Variants in NALF1 observed in about 807,000 individuals in gnomAD.
NALF1 encodes the protein family with sequence similarity 155 member A.
Under a neutral mutation model 48.4 loss-of-function variants are expected in NALF1, and 3 were observed. That is an observed-to-expected ratio of 0.06 (90% confidence interval 0.03 to 0.16). The LOEUF (loss-of-function observed/expected upper bound fraction) is 0.16. Ranked by LOEUF, NALF1 falls within the 10% of genes least tolerant of loss-of-function variation. The pLI, the probability that NALF1 is intolerant of heterozygous loss-of-function variation, is 1.00. For synonymous variants in NALF1, 262 were observed against 245.7 expected (o/e 1.07, Z -0.62); for missense variants, 526 against 571.5 (o/e 0.92, Z 0.81).
chr13:107,757,290 G>C (rs767917878), intron 1 of NALF1, among the ~76,000 whole-genome samples: 78 of 152,118 alleles, frequency 5.1e-4, no homozygotes, highest in Non-Finnish European at 8.4e-4. Context: ...TACTGGGGTG[G>C]GACGGAGAGG....
rs987390575 is a variant in NALF1, at chr13:107,170,215, C to T, written c.*282G>A. 2.5e-5 allele frequency: 8 copies of T among 316,616 alleles called. No individual in the cohort carries two copies. The highest frequency in any genetic ancestry group is 1.3e-4 in the Admixed American group (3 of 22,412). The allele number at this position is 316,616 out of a possible 1,614,324, so 19.6% of individuals were successfully genotyped here. A position where few individuals can be genotyped will look rare whatever the true frequency, so the allele number is the denominator to read the frequency against. On this transcript the variant is annotated 3_prime_UTR_variant, in exon 3 of 3. Transcript: ENST00000375915. ...TTAACAAGTGCAAAAAATAAACAAA[C>T]AAATAAACCCAAACCAAAACGAAAG... is the stretch of plus-strand genomic sequence containing the variant.
chr13:107,451,911 G>A (rs1884747661), intron 1 of NALF1, among the ~76,000 whole-genome samples: 1 of 152,128 alleles, frequency 6.6e-6, no homozygotes, highest in African/African-American at 2.4e-5. Context: ...CCCAGAAAGA[G>A]GGTATGTGTT....
At chr13:107,531,333 G>T in intron 1 of NALF1, 1 of 159,528 alleles carries the variant, frequency 6.3e-6, no homozygotes. Context: ...TGAGTGTATG[G>T]CACCTTACCC....
intron 1 of NALF1, among the ~76,000 whole-genome samples, chr13:107,308,766 A>G (rs1359922016): frequency 1.3e-5 from 2 of 152,244 alleles, no homozygotes; most frequent in Non-Finnish European, 2.9e-5. Flanking sequence ...AATCCTGAAT[A>G]TGAAAACTAT....
In NALF1 at chr13:107,171,748, T is replaced by C. The variant is rs140221986; in HGVS notation, c.1088-962A>G. On this transcript the variant is annotated intron_variant, in intron 2 of 2. Coordinates refer to ENST00000375915, the MANE Select transcript of NALF1 (RefSeq NM_001080396.3). ...TTTATGCAAGCTATATAAGTCATAG[T>C]GTATTTTTTTTCTACTTGACTGAAC... Among the ~76,000 whole-genome samples, 6 of 152,336 alleles carry C rather than the reference T, an allele frequency of 3.9e-5. No homozygotes were observed. In the East Asian group the frequency reaches 1.2e-3, roughly 29 times the overall value.
rs1555314846 is a variant in NALF1, at chr13:107,644,642, C to CACATATATATATAT, written c.915+221039_915+221040insATATATATATATGT. Among the ~76,000 whole-genome samples the CACATATATATATAT allele has an allele frequency of 7.8e-4, 72 of 92,252 alleles. 1 individual carries two copies. The highest frequency in any genetic ancestry group is 2.5e-3 in the African/African-American group (69 of 27,124). 60.5% of individuals were successfully genotyped at this position (92,252 alleles called of 152,430 possible). A position where few individuals can be genotyped will look rare whatever the true frequency, so the allele number is the denominator to read the frequency against. ...GTGTGTGTGTATACATACATACATACATACATATATATATATATATATATG... is the reference window on the plus strand; with the variant it reads ...GTGTGTGTGTATACATACATACATACACATATATATATATATACATATATATATATATATATATG... On this transcript the variant is annotated intron_variant, in intron 1 of 2. Transcript: ENST00000375915.
At chr13:107,271,775 T>TAC (rs1881171701) in intron 1 of NALF1, among the ~76,000 whole-genome samples, 2 of 8,806 alleles carry the variant, frequency 2.3e-4, no homozygotes, top group Non-Finnish European at 8.1e-4. Flanking sequence ...GCTACTGGAC[T>TAC]ATATATATAT....
chr13:107,443,146 A>G (rs1278197985), intron 1 of NALF1, among the ~76,000 whole-genome samples: 3 of 151,616 alleles, frequency 2.0e-5, no homozygotes, highest in African/African-American at 7.3e-5. Context: ...TTACAACATA[A>G]ATTTATTATT....
intron 1 of NALF1, among the ~76,000 whole-genome samples, chr13:107,283,617 ATTATTTATTTATTTATTTATTTATTTAT>A (rs71121515): frequency 6.9e-6 from 1 of 145,466 alleles, no homozygotes; most frequent in Non-Finnish European, 1.5e-5. Flanking sequence ...GCGGATCTTC[ATTATTTATTTATTTATTTATTTATTTAT>A]TTATTTATTT....
chr13:107,627,331 C>A (rs535758585), intron 1 of NALF1, among the ~76,000 whole-genome samples: 2 of 152,190 alleles, frequency 1.3e-5, no homozygotes, highest in Admixed American at 6.6e-5. Context: ...ACTAATTTAT[C>A]AAACCCTGTG....
intron 1 of NALF1, among the ~76,000 whole-genome samples, chr13:107,601,423 A>T (rs755875062): frequency 1.6e-4 from 24 of 152,198 alleles, no homozygotes; most frequent in Non-Finnish European, 3.5e-4. Flanking sequence ...TATGTATCCA[A>T]CTTTCCTATC....
At chr13:107,653,010 A>G (rs897841568) in intron 1 of NALF1, among the ~76,000 whole-genome samples, 1 of 152,168 alleles carries the variant, frequency 6.6e-6, no homozygotes, top group Non-Finnish European at 1.5e-5. Flanking sequence ...TGTTTCAACA[A>G]AGATACACGG....
chr13:107,211,806 C>A (rs751382060), intron 1 of NALF1, among the ~76,000 whole-genome samples: 3 of 152,130 alleles, frequency 2.0e-5, no homozygotes, highest in Non-Finnish European at 2.9e-5. Context: ...CTAATAATAA[C>A]AAGAATAATA....
intron 1 of NALF1, among the ~76,000 whole-genome samples, chr13:107,722,708 G>C (rs769074562): frequency 1.3e-5 from 2 of 152,172 alleles, no homozygotes; most frequent in Non-Finnish European, 2.9e-5. Context: ...TGGGGGGTCA[G>C]GGCACCTCTC....
chr13:107,177,765 AG>A (rs1878967641), intron 2 of NALF1, among the ~76,000 whole-genome samples: 1 of 152,184 alleles, frequency 6.6e-6, no homozygotes, highest in East Asian at 1.9e-4. Context: ...TAAAGACTTA[AG>A]GGGCCAGGTG....
intron 2 of NALF1, among the ~76,000 whole-genome samples, chr13:107,182,339 T>G (rs1879083690): frequency 6.6e-6 from 1 of 151,948 alleles, no homozygotes; most frequent in South Asian, 2.1e-4. Flanking sequence ...GGCATGATCT[T>G]GGCTCACACT....
chr13:107,748,154 C>G (rs1876836246), intron 1 of NALF1, among the ~76,000 whole-genome samples: 1 of 152,128 alleles, frequency 6.6e-6, no homozygotes, highest in South Asian at 2.1e-4. Flanking sequence ...CTAAATCACT[C>G]CAACAGTTGT....
intron 1 of NALF1, among the ~76,000 whole-genome samples, chr13:107,739,459 G>T (rs942636030): frequency 6.7e-6 from 1 of 148,566 alleles, no homozygotes; most frequent in African/African-American, 2.5e-5. Flanking sequence ...ATATACATGT[G>T]TATATAAAAT....
At chr13:107,537,325 C>T (rs1876855854) in intron 1 of NALF1, among the ~76,000 whole-genome samples, 1 of 152,034 alleles carries the variant, frequency 6.6e-6, no homozygotes, top group Admixed American at 6.6e-5. Flanking sequence ...TTATACATGC[C>T]ACTAGTTTTA....
Sources: allele counts gnomAD v4.1 joint callset (sites outside exome capture counted in the v4.1 genomes callset), GRCh38; gene constraint gnomAD v4.1.1; transcripts MANE v1.5; gene names NCBI Gene and HGNC (gene_info 2026-07-23, HGNC 2026-07-21).